GSK3B: variants seen among roughly 807,000 people sequenced by gnomAD.
GSK3B encodes glycogen synthase kinase 3 beta.
In GSK3B, 15 loss-of-function variants were observed where a neutral mutation model predicts 56.4. The ratio of observed to expected loss-of-function variants is 0.27; its 90% CI spans 0.18 to 0.41. The LOEUF (loss-of-function observed/expected upper bound fraction) is 0.41, where lower values mean the gene tolerates loss of function less well. GSK3B is among the 10% of genes least tolerant of loss of function. GSK3B has a pLI of 1.00. For missense variants in GSK3B, 300 were observed against 513.4 expected, an observed-to-expected ratio of 0.58 and a Z score of 4.02; for synonymous variants, 181 against 188.9, an observed-to-expected ratio of 0.96 and a Z score of 0.34.
chr3:119,955,078 G>C (rs1188581474), intron 2 of GSK3B, among the ~76,000 whole-genome samples: 3 of 151,906 alleles, frequency 2.0e-5, no homozygotes, highest in Admixed American at 2.0e-4. Flanking sequence ...TTTGCTTAAA[G>C]AATATTTTCC....
chr3:119,985,336 G>A (rs934361823), intron 2 of GSK3B, among the ~76,000 whole-genome samples: 6 of 152,154 alleles, frequency 3.9e-5, no homozygotes, highest in Admixed American at 2.6e-4. Flanking sequence ...GTTCTGGTCA[G>A]GGCAATCAGG....
intron 1 of GSK3B, among the ~76,000 whole-genome samples, chr3:120,026,556 C>CACAA: frequency 6.9e-6 from 1 of 145,582 alleles, no homozygotes; most frequent in Admixed American, 6.9e-5. Context: ...CACACACAAA[C>CACAA]ACACACACAC....
At chr3:120,015,717 A>G (rs2057820225) in intron 1 of GSK3B, among the ~76,000 whole-genome samples, 1 of 150,560 alleles carries the variant, frequency 6.6e-6, no homozygotes, top group Non-Finnish European at 1.5e-5. Context: ...TCCCATGTGC[A>G]CTAGGTTCAG....
chr3:120,046,581 T>C (rs914045557), intron 1 of GSK3B, among the ~76,000 whole-genome samples: 2 of 152,170 alleles, frequency 1.3e-5, no homozygotes, highest in African/African-American at 4.8e-5. Flanking sequence ...GGAAAGTTTA[T>C]TCATTATTAA....
intron 1 of GSK3B, among the ~76,000 whole-genome samples, chr3:120,004,223 T>TA (rs1180574721): frequency 2.0e-5 from 3 of 152,104 alleles, no homozygotes; most frequent in Non-Finnish European, 2.9e-5. Context: ...GAGGCTTGAG[T>TA]AGGCAGTTCT....
At chr3:119,940,899 T>G (rs150169822) in intron 3 of GSK3B, among the ~76,000 whole-genome samples, 1 of 152,210 alleles carries the variant, frequency 6.6e-6, no homozygotes, top group African/African-American at 2.4e-5. Context: ...GTTGTGAAGA[T>G]TAAATGAGTA....
intron 7 of GSK3B, among the ~76,000 whole-genome samples, chr3:119,901,740 TG>T (rs1214389081): frequency 6.6e-6 from 1 of 152,168 alleles, no homozygotes; most frequent in African/African-American, 2.4e-5. Context: ...AAAATTATTT[TG>T]GTGCCCTCAG....
At chr3:119,894,619 G>A (rs2056542561) in intron 7 of GSK3B, among the ~76,000 whole-genome samples, 1 of 151,982 alleles carries the variant, frequency 6.6e-6, no homozygotes, top group Middle Eastern at 3.2e-3. Flanking sequence ...TTATTATTGA[G>A]TTGTAAGAAT....
At chr3:119,922,232 A>AGGAG (rs1222705943) in intron 4 of GSK3B, among the ~76,000 whole-genome samples, 5 of 70,168 alleles carry the variant, frequency 7.1e-5, no homozygotes, top group Admixed American at 6.0e-4. Context: ...GAAGGAGGGA[A>AGGAG]GGAAGGAAGG....
At chr3:120,079,463 C>T (rs11916594) in intron 1 of GSK3B, among the ~76,000 whole-genome samples, 11,926 of 151,720 alleles carry the variant, frequency 0.079, 634 homozygotes, top group Non-Finnish European at 0.12. Context: ...AGTGCAGTAT[C>T]GGCTCATTGC....
chr3:119,973,032 G>A (rs1670239927), intron 2 of GSK3B, among the ~76,000 whole-genome samples: 1 of 152,102 alleles, frequency 6.6e-6, no homozygotes, highest in Admixed American at 6.6e-5. Context: ...TTCCAATATT[G>A]AGGAACTACT....
intron 1 of GSK3B, among the ~76,000 whole-genome samples, chr3:120,014,045 G>T (rs1460791184): frequency 6.7e-6 from 1 of 148,890 alleles, no homozygotes; most frequent in African/African-American, 2.5e-5. Context: ...TGAGGCAAGA[G>T]AATTGCTTGA....
chr3:120,036,421 C>T (rs76421233), intron 1 of GSK3B, among the ~76,000 whole-genome samples: 2,410 of 152,206 alleles, frequency 0.016, 62 homozygotes, highest in African/African-American at 0.055. Flanking sequence ...CCCAGAGTAT[C>T]GCCAATTAAA....
chr3:119,825,472 T>C lies in GSK3B; in HGVS notation c.*1316A>G, dbSNP rs888659172. 1.3e-5 allele frequency: 3 copies of C among 227,600 alleles called. No homozygotes were observed. The highest frequency in any genetic ancestry group is 2.6e-5 in the Non-Finnish European group (3 of 115,082). 14.1% of individuals were successfully genotyped at this position (227,600 alleles called of 1,614,324 possible). The stretch of plus-strand genomic sequence containing the variant: ...CTTCAACCAGTCAATTTTGATACTG[T>C]AGACAAAAAAAAAGGCAGTATTGAA... On this transcript the variant is annotated 3_prime_UTR_variant, in exon 11 of 11. Transcript: ENST00000264235.
At chr3:119,902,701 T>C (rs1284488978) in intron 7 of GSK3B, among the ~76,000 whole-genome samples, 2 of 151,190 alleles carry the variant, frequency 1.3e-5, no homozygotes, top group African/African-American at 4.9e-5. Context: ...TTGGCTGTGA[T>C]ATTTATTATT....
At chr3:119,873,565 T>G (rs2108045681) in intron 8 of GSK3B, among the ~76,000 whole-genome samples, 2 of 152,256 alleles carry the variant, frequency 1.3e-5, no homozygotes, top group East Asian at 3.9e-4. Context: ...CTCAATTGGC[T>G]GCTTACCCTA....
chr3:119,864,100 T>C (rs1253571119), intron 8 of GSK3B, among the ~76,000 whole-genome samples: 1 of 152,212 alleles, frequency 6.6e-6, no homozygotes, highest in Non-Finnish European at 1.5e-5. Flanking sequence ...TTTGGTATTA[T>C]TTCCAATAAA....
Position 119,999,202 on chromosome 3 carries a change from A to G in GSK3B, c.282+2844T>C, listed in dbSNP as rs1423223790. ...GAAGGAGAAAGAGGGTGTGGTTTAA[A>G]TATTTTGATAGAAAGAGGTTATGAC... is the stretch of plus-strand genomic sequence containing the variant. On this transcript the variant is annotated intron_variant, in intron 2 of 10. Coordinates refer to ENST00000264235, the MANE Select transcript of GSK3B (RefSeq NM_001146156.2). Among the ~76,000 whole-genome samples the G allele has an allele frequency of 3.3e-5, 5 of 152,198 alleles. No individual in the cohort carries two copies. In the East Asian group the frequency reaches 7.7e-4, roughly 23 times the overall value.
At chr3:119,934,780 T>C (rs2056978637) in intron 3 of GSK3B, among the ~76,000 whole-genome samples, 1 of 152,188 alleles carries the variant, frequency 6.6e-6, no homozygotes, top group South Asian at 2.1e-4. Flanking sequence ...CCAAAATACA[T>C]ATGTTATTAC....
Sources: allele counts gnomAD v4.1 joint callset (sites outside exome capture counted in the v4.1 genomes callset), GRCh38; gene constraint gnomAD v4.1.1; transcripts MANE v1.5; gene names NCBI Gene and HGNC (gene_info 2026-07-23, HGNC 2026-07-21).